CAMKMT: variants seen among roughly 807,000 people sequenced by gnomAD.
CAMKMT encodes CaM KMT.
A neutral mutation model predicts 48.0 loss-of-function variants in CAMKMT; 53 were observed. The observed-to-expected ratio is 1.10, with a 90% CI of 0.89 to 1.39. CAMKMT has a LOEUF of 1.39. Ranked by LOEUF, CAMKMT falls within the 40% of genes most tolerant of loss-of-function variation. The pLI is 0.00. For synonymous variants in CAMKMT, 165 were observed against 152.3 expected, an observed-to-expected ratio of 1.08 and a Z score of -0.61; for missense variants, 428 against 402.7, an observed-to-expected ratio of 1.06 and a Z score of -0.54.
intron 3 of CAMKMT, among the ~76,000 whole-genome samples, chr2:44,428,152 C>T (rs888190703): frequency 2.0e-5 from 3 of 152,108 alleles, no homozygotes; most frequent in Admixed American, 2.0e-4. Flanking sequence ...AGGTTCTTGT[C>T]CAGTGTCCAG....
intron 3 of CAMKMT, among the ~76,000 whole-genome samples, chr2:44,407,171 T>C (rs1271863768): frequency 6.6e-6 from 1 of 152,216 alleles, no homozygotes; most frequent in Non-Finnish European, 1.5e-5. Context: ...GGGCTATCAT[T>C]ATCTTGTGCT....
chr2:44,768,362 T>TA (rs1491157479), intron 10 of CAMKMT, among the ~76,000 whole-genome samples: 18,636 of 71,662 alleles, frequency 0.26, 1,439 homozygotes, highest in Middle Eastern at 0.43. Context: ...TATATATATA[T>TA]TTTTTTTTTT....
chr2:44,440,786 C>T (rs1666606003), intron 3 of CAMKMT, among the ~76,000 whole-genome samples: 1 of 152,108 alleles, frequency 6.6e-6, no homozygotes, highest in Non-Finnish European at 1.5e-5. Flanking sequence ...GAATTCTGTG[C>T]TATTGGTATT....
intron 3 of CAMKMT, among the ~76,000 whole-genome samples, chr2:44,486,512 A>T (rs1406340769): frequency 6.6e-6 from 1 of 152,212 alleles, no homozygotes; most frequent in African/African-American, 2.4e-5. Flanking sequence ...CACGAGATAA[A>T]TATTTTTAAC....
At chr2:44,402,040 G>A (rs547272673) in intron 3 of CAMKMT, among the ~76,000 whole-genome samples, 4 of 152,172 alleles carry the variant, frequency 2.6e-5, no homozygotes, top group African/African-American at 9.6e-5. Context: ...TAAAATGATA[G>A]AATTGGCCGG....
At chr2:44,457,524 G>GT (rs1667629670) in intron 3 of CAMKMT, among the ~76,000 whole-genome samples, 1 of 150,252 alleles carries the variant, frequency 6.7e-6, no homozygotes, top group Non-Finnish European at 1.5e-5. Context: ...TCAGCCTCCC[G>GT]AGTAGCTGGG....
intron 3 of CAMKMT, among the ~76,000 whole-genome samples, chr2:44,545,383 A>G (rs1167430966): frequency 6.6e-6 from 1 of 152,200 alleles, no homozygotes; most frequent in Non-Finnish European, 1.5e-5. Context: ...AAATTAAAAA[A>G]TCAGTTACTA....
chr2:44,604,532 T>C (rs1370669224), intron 3 of CAMKMT, among the ~76,000 whole-genome samples: 2 of 148,994 alleles, frequency 1.3e-5, no homozygotes, highest in South Asian at 2.1e-4. Context: ...GTTGTGGGTA[T>C]AAGCAAACCT....
chr2:44,667,026 C>T (rs183545069), intron 3 of CAMKMT, among the ~76,000 whole-genome samples: 8 of 152,282 alleles, frequency 5.3e-5, no homozygotes, highest in Admixed American at 5.2e-4. Flanking sequence ...TATATTGAAT[C>T]TAAAGATATA....
At chr2:44,692,541 G>A (rs886620419) in intron 3 of CAMKMT, among the ~76,000 whole-genome samples, 10 of 152,192 alleles carry the variant, frequency 6.6e-5, no homozygotes, top group Admixed American at 2.6e-4. Context: ...TTTAGGCAAA[G>A]GCCTTGTTTT....
chr2:44,533,950 A>C (rs760385437), intron 3 of CAMKMT, among the ~76,000 whole-genome samples: 25 of 152,238 alleles, frequency 1.6e-4, no homozygotes, highest in Non-Finnish European at 3.2e-4. Flanking sequence ...ATGAATTACA[A>C]AACATTACCT....
At chr2:44,635,552 G>A (rs551320918) in intron 3 of CAMKMT, among the ~76,000 whole-genome samples, 1 of 152,100 alleles carries the variant, frequency 6.6e-6, no homozygotes, top group Non-Finnish European at 1.5e-5. Flanking sequence ...TTGGGTTCAC[G>A]CACCTTACTT....
chr2:44,575,325 C>A (rs541636752), intron 3 of CAMKMT, among the ~76,000 whole-genome samples: 1 of 151,240 alleles, frequency 6.6e-6, no homozygotes, highest in Admixed American at 6.6e-5. Context: ...GTCATCCTCC[C>A]ACCTCGGTAT....
At chr2:44,440,443 C>T (rs1213749440) in intron 3 of CAMKMT, among the ~76,000 whole-genome samples, 2 of 152,100 alleles carry the variant, frequency 1.3e-5, no homozygotes, top group Admixed American at 6.5e-5. Context: ...CAGATCCTAC[C>T]TCATAGCATG....
chr2:44,595,011 TG>T, intron 3 of CAMKMT, among the ~76,000 whole-genome samples: 1 of 152,188 alleles, frequency 6.6e-6, no homozygotes, highest in Non-Finnish European at 1.5e-5. Context: ...AACGGACGCC[TG>T]TCAAAAGAAG....
rs1035642579 is a variant in CAMKMT, at chr2:44,631,756, T to C, written c.377-72527T>C. On this transcript the variant is annotated intron_variant, in intron 3 of 10. Transcript: ENST00000378494. Reference sequence around the variant, plus strand: ...ACTATCTTGCTATTTGTTTTCTGTTTGTCTTTTTTGTTCATTATTCTTTTT... The same window carrying C: ...ACTATCTTGCTATTTGTTTTCTGTTCGTCTTTTTTGTTCATTATTCTTTTT... 26 of 373,164 alleles carry C rather than the reference T, an allele frequency of 7.0e-5. No homozygotes were observed. The East Asian group carries it at 8.5e-4, about 12-fold the overall frequency. The allele number at this position is 373,164 out of a possible 1,614,324, so 23.1% of individuals were successfully genotyped here. A position where few individuals can be genotyped will look rare whatever the true frequency, so the allele number is the denominator to read the frequency against.
chr2:44,406,319 A>G (rs1067319), intron 3 of CAMKMT, among the ~76,000 whole-genome samples: 113,225 of 151,924 alleles, frequency 0.75, 43,170 homozygotes, highest in African/African-American at 0.87. Context: ...GGGAATTTAT[A>G]TAACATCTGT....
intron 1 of CAMKMT, among the ~76,000 whole-genome samples, chr2:44,367,589 A>G (rs991971673): frequency 1.3e-5 from 2 of 152,206 alleles, no homozygotes; most frequent in African/African-American, 4.8e-5. Context: ...TTCAAAATCC[A>G]AAACACTTCT....
rs1431683643 is a variant in CAMKMT, at chr2:44,410,257, T to A, written c.376+19952T>A. Among the ~76,000 whole-genome samples, 4 of 11,680 alleles carry A rather than the reference T, an allele frequency of 3.4e-4. 1 individual carries two copies. Among genetic ancestry groups the A allele is most frequent in the Non-Finnish European group, 6.5e-4 (3 of 4,592 alleles). The allele number at this position is 11,680 out of a possible 152,430, so 7.7% of individuals were successfully genotyped here. The stretch of plus-strand genomic sequence containing the variant: ...TATATATATATATATATTTTTTTTT[T>A]TTTTTTTTTTTTTTTTTGAGACGGA... On this transcript the variant is annotated intron_variant, in intron 3 of 10. Coordinates refer to ENST00000378494, the MANE Select transcript of CAMKMT (RefSeq NM_024766.5).
Sources: gnomAD v4.1 joint callset for allele counts (sites outside exome capture counted in the v4.1 genomes callset) on GRCh38, gnomAD v4.1.1 for gene constraint, MANE v1.5 for transcripts, NCBI Gene and HGNC (gene_info 2026-07-23, HGNC 2026-07-21) for gene names.